The following ZNF385B variants were observed in gnomAD, a reference collection of about 807,000 sequenced individuals.
ZNF385B encodes the protein zinc finger protein 533.
ZNF385B carries 23 observed loss-of-function variants against 39.2 expected under a neutral mutation model. The ratio of observed to expected loss-of-function variants is 0.59; its 90% confidence interval spans 0.42 to 0.83. The LOEUF is 0.83. Among genes scored for constraint, ZNF385B ranks in the 40% least tolerant of loss-of-function variants. ZNF385B has a pLI of 0.00. For missense variants in ZNF385B, 552 were observed against 598.9 expected, an observed-to-expected ratio of 0.92 and a Z score of 0.82; for synonymous variants, 205 against 222.6, an observed-to-expected ratio of 0.92 and a Z score of 0.70.
chr2:179,644,436 T>C (rs116353819), intron 3 of ZNF385B, among the ~76,000 whole-genome samples: 175 of 152,290 alleles, frequency 1.1e-3, no homozygotes, highest in Non-Finnish European at 2.1e-3. Context: ...GTACAAAACA[T>C]GCTCTGCATC....
intron 1 of ZNF385B, among the ~76,000 whole-genome samples, chr2:179,855,663 G>A (rs1684535406): frequency 6.6e-6 from 1 of 152,172 alleles, no homozygotes; most frequent in Non-Finnish European, 1.5e-5. Context: ...ACATGGTGCT[G>A]AATATCTTGA....
chr2:179,706,156 T>G (rs1255926997), intron 3 of ZNF385B, among the ~76,000 whole-genome samples: 1 of 152,176 alleles, frequency 6.6e-6, no homozygotes, highest in South Asian at 2.1e-4. Context: ...CAGACCTCGG[T>G]TGATCCCATG....
intron 3 of ZNF385B, among the ~76,000 whole-genome samples, chr2:179,634,574 G>A (rs1344365466): frequency 6.6e-6 from 1 of 152,226 alleles, no homozygotes. Context: ...AGAGGATGTG[G>A]AGAAATGGGA....
At chr2:179,649,859 G>GA (rs891452803) in intron 3 of ZNF385B, among the ~76,000 whole-genome samples, 22 of 149,996 alleles carry the variant, frequency 1.5e-4, no homozygotes, top group African/African-American at 3.7e-4. Context: ...GCTTTAATTT[G>GA]AAAAAAAAAG....
intron 3 of ZNF385B, among the ~76,000 whole-genome samples, chr2:179,593,931 T>A (rs934228848): frequency 6.6e-6 from 1 of 152,170 alleles, no homozygotes; most frequent in Non-Finnish European, 1.5e-5. Flanking sequence ...ACACATGAAG[T>A]AGTCCCCTTC....
intron 1 of ZNF385B, among the ~76,000 whole-genome samples, chr2:179,816,003 AAC>A (rs151173257): frequency 1.3e-4 from 19 of 149,812 alleles, no homozygotes; most frequent in Admixed American, 2.7e-4. Context: ...ACTTACATAT[AAC>A]ACACACACAC....
chr2:179,736,733 G>T (rs1701782982), intron 3 of ZNF385B, among the ~76,000 whole-genome samples: 1 of 152,086 alleles, frequency 6.6e-6, no homozygotes, highest in South Asian at 2.1e-4. Context: ...ACTTTGGAAG[G>T]CCCAGGTGGG....
At chr2:179,546,977 A>G (rs1244037425) in intron 3 of ZNF385B, among the ~76,000 whole-genome samples, 1 of 149,966 alleles carries the variant, frequency 6.7e-6, no homozygotes, top group Non-Finnish European at 1.5e-5. Context: ...TTGAAGATCA[A>G]TAATGATTGA....
chr2:179,800,284 CAT>C (rs1705945404), intron 1 of ZNF385B, among the ~76,000 whole-genome samples: 1 of 151,940 alleles, frequency 6.6e-6, no homozygotes. Context: ...TATTATATGA[CAT>C]AAACTTTGAA....
intron 1 of ZNF385B, chr2:179,814,395 A>T: frequency 2.5e-6 from 1 of 406,910 alleles, no homozygotes; most frequent in South Asian, 2.0e-5. Flanking sequence ...GTACAGCATC[A>T]TTGAGAAGGT....
At chr2:179,633,134 G>A (rs923814990) in intron 3 of ZNF385B, among the ~76,000 whole-genome samples, 2 of 152,112 alleles carry the variant, frequency 1.3e-5, no homozygotes, top group South Asian at 2.1e-4. Context: ...ACAAAGAGGA[G>A]CTGGTACCAT....
At chr2:179,554,828 A>C (rs1324890948) in intron 3 of ZNF385B, among the ~76,000 whole-genome samples, 1 of 149,312 alleles carries the variant, frequency 6.7e-6, no homozygotes, top group Non-Finnish European at 1.5e-5. Flanking sequence ...AGAATGGTTC[A>C]ATTTGATGAA....
At chr2:179,830,541 G>T (rs936000254) in intron 1 of ZNF385B, among the ~76,000 whole-genome samples, 1 of 152,014 alleles carries the variant, frequency 6.6e-6, no homozygotes, top group South Asian at 2.1e-4. Flanking sequence ...GCAATAAAAA[G>T]AAATGAGCTG....
At chr2:179,857,621 G>A (rs1684706905) in intron 1 of ZNF385B, among the ~76,000 whole-genome samples, 1 of 152,162 alleles carries the variant, frequency 6.6e-6, no homozygotes, top group Non-Finnish European at 1.5e-5. Flanking sequence ...TTGTATCAAG[G>A]AGACTTGGGA....
chr2:179,572,696 G>C (rs1386384675), intron 3 of ZNF385B, among the ~76,000 whole-genome samples: 1 of 152,106 alleles, frequency 6.6e-6, no homozygotes, highest in Non-Finnish European at 1.5e-5. Context: ...TCAGTTTGGA[G>C]GGAAATGTCA....
At chr2:179,736,969 CAAACA>C (rs1003235327) in intron 3 of ZNF385B, among the ~76,000 whole-genome samples, 1 of 152,160 alleles carries the variant, frequency 6.6e-6, no homozygotes, top group Non-Finnish European at 1.5e-5. Context: ...GCTCCGTCTC[CAAACA>C]AAACAAAACA....
chr2:179,806,110 C>T (rs1431402641), intron 1 of ZNF385B, among the ~76,000 whole-genome samples: 1 of 151,490 alleles, frequency 6.6e-6, no homozygotes, highest in East Asian at 1.9e-4. Context: ...AACAAACAGA[C>T]AAAAAAATGC....
chr2:179,465,416 T>C (rs749049971), intron 6 of ZNF385B, among the ~76,000 whole-genome samples: 1 of 152,172 alleles, frequency 6.6e-6, no homozygotes, highest in African/African-American at 2.4e-5. Flanking sequence ...CAATACTCTA[T>C]AGGATGTCTG....
intron 3 of ZNF385B, among the ~76,000 whole-genome samples, chr2:179,627,806 G>GT (rs71401751): frequency 0.37 from 54,987 of 150,624 alleles, 10,169 homozygotes; most frequent in African/African-American, 0.46. Flanking sequence ...TATTGATCAA[G>GT]TTTTTTTTTT....
Sources: allele counts gnomAD v4.1 joint callset (sites outside exome capture counted in the v4.1 genomes callset), GRCh38; gene constraint gnomAD v4.1.1; transcripts MANE v1.5; gene names NCBI Gene and HGNC (gene_info 2026-07-23, HGNC 2026-07-21).